Variants in NUDT6 observed in about 807,000 individuals in gnomAD.
NUDT6 encodes the protein FAD diphosphatase NUDT6.
NUDT6 carries 24 observed loss-of-function variants against 36.8 expected under a neutral mutation model. The ratio of observed to expected loss-of-function variants is 0.65; its 90% CI spans 0.47 to 0.92. NUDT6 has a LOEUF of 0.92. Ranked by LOEUF, NUDT6 falls within the 40% of genes least tolerant of loss-of-function variation. NUDT6 has a pLI of 0.00. For synonymous variants in NUDT6, 163 were observed against 157.0 expected (o/e 1.04, Z -0.29); for missense variants, 388 against 392.8 (o/e 0.99, Z 0.10).
At chr4:122,916,505 C>A (rs891208113) in intron 2 of NUDT6, among the ~76,000 whole-genome samples, 15 of 152,068 alleles carry the variant, frequency 9.9e-5, no homozygotes, top group Admixed American at 9.8e-4. Context: ...ATAATTAGTG[C>A]CAACATGTTT....
intron 3 of NUDT6, among the ~76,000 whole-genome samples, chr4:122,903,366 C>G (rs1727561543): frequency 6.6e-6 from 1 of 152,058 alleles, no homozygotes; most frequent in South Asian, 2.1e-4. Context: ...TCTTAAAGGA[C>G]CAATTATTGG....
chr4:122,905,170 C>T (rs530826754), intron 3 of NUDT6, among the ~76,000 whole-genome samples: 7 of 152,222 alleles, frequency 4.6e-5, no homozygotes, highest in South Asian at 2.1e-4. Flanking sequence ...TGCTGATTGG[C>T]GCGTTTAGAA....
At chr4:122,906,072 G>C (rs1578494198) in intron 3 of NUDT6, among the ~76,000 whole-genome samples, 1 of 152,172 alleles carries the variant, frequency 6.6e-6, no homozygotes, top group Non-Finnish European at 1.5e-5. Flanking sequence ...AGGGTCGCAG[G>C]ATCCCCACTC....
At chr4:122,908,629 G>C (rs1420433658) in intron 3 of NUDT6, among the ~76,000 whole-genome samples, 1 of 152,144 alleles carries the variant, frequency 6.6e-6, no homozygotes, top group Non-Finnish European at 1.5e-5. Context: ...GCACACGTTT[G>C]CAGGACCTCT....
At chr4:122,921,675 G>A (rs945593228) in intron 1 of NUDT6, 2 of 150,894 alleles carry the variant, frequency 1.3e-5, no homozygotes, top group African/African-American at 4.9e-5. Context: ...AATGCTTGTG[G>A]TGATGAGTAT....
intron 2 of NUDT6, among the ~76,000 whole-genome samples, chr4:122,915,617 C>T (rs568548328): frequency 3.9e-5 from 6 of 152,194 alleles, no homozygotes; most frequent in African/African-American, 1.4e-4. Context: ...ATTCTTTGAA[C>T]TGCTCTGACA....
intron 2 of NUDT6, among the ~76,000 whole-genome samples, chr4:122,915,486 A>C (rs1340773813): frequency 2.7e-5 from 4 of 146,804 alleles, no homozygotes; most frequent in African/African-American, 4.9e-5. Flanking sequence ...AAAAAAAAAA[A>C]AAAAAAAAAA....
intron 1 of NUDT6, chr4:122,921,595 C>CAAAAAAAAAAAAAAAA: frequency 2.8e-5 from 1 of 35,110 alleles, no homozygotes; most frequent in Non-Finnish European, 5.6e-5. Context: ...TACCCTCTCT[C>CAAAAAAAAAAAAAAAA]AAAAAAAAAA....
intron 3 of NUDT6, among the ~76,000 whole-genome samples, chr4:122,906,661 T>G (rs1426560676): frequency 6.6e-6 from 1 of 152,132 alleles, no homozygotes; most frequent in African/African-American, 2.4e-5. Context: ...CCCCATCTTG[T>G]AAAGAGGCTA....
At chr4:122,915,790 T>C (rs1455828132) in intron 2 of NUDT6, among the ~76,000 whole-genome samples, 1 of 152,188 alleles carries the variant, frequency 6.6e-6, no homozygotes, top group African/African-American at 2.4e-5. Flanking sequence ...TCCATTGAAG[T>C]GTGAGGCTGT....
rs1727238934 is a variant in NUDT6 at position 122,893,139 on chromosome 4, T to C, written c.640A>G (p.Asn214Asp). The C allele has an allele frequency of 6.2e-7, 1 of 1,614,198 alleles. No homozygotes were observed. The highest frequency in any genetic ancestry group is 8.5e-7 in the Non-Finnish European group (1 of 1,180,034). The change falls in exon 5 of 5, where the codon AAT (asparagine) becomes GAT (aspartate). Residue 214 changes from asparagine to aspartate, a missense_variant. Coordinates refer to ENST00000304430, the MANE Select transcript of NUDT6 (RefSeq NM_007083.5). ...TCTGACTTCCCAAAAGCTCCAGGAT[T>C]TGTGTGCTGTTGCCGAATACTCAGG... ...SVLSIRQQHT[N>D]PGAFGKSDMY... is the part of the protein sequence containing the mutation.
chr4:122,922,831 C>T (rs1728131616), upstream of NUDT6: 3 of 569,270 alleles, frequency 5.3e-6, no homozygotes, highest in South Asian at 7.1e-5. Context: ...ATTCAACAGA[C>T]GTTGGTTTAG....
In NUDT6 at chr4:122,912,202, G is replaced by A. The variant is rs115360111; in HGVS notation, c.498+366C>T. Among the ~76,000 whole-genome samples, 498 of 152,104 alleles carry A rather than the reference G, an allele frequency of 3.3e-3. 2 individuals are homozygous for A. The highest frequency in any genetic ancestry group is 0.014 in the Middle Eastern group (4 of 294). ...TAAGCTGCAGGGCATAAGGTATATC[G>A]TCTTACTGCTTTTTATATTCTCAGC... On this transcript the variant is annotated intron_variant, in intron 3 of 4. Transcript: ENST00000304430.
At chr4:122,912,223 T>C (rs1727745569) in intron 3 of NUDT6, among the ~76,000 whole-genome samples, 1 of 152,142 alleles carries the variant, frequency 6.6e-6, no homozygotes, top group South Asian at 2.1e-4. Context: ...TTTTATATTC[T>C]CAGCACCTGG....
At chr4:122,907,611 C>T (rs112726910) in intron 3 of NUDT6, among the ~76,000 whole-genome samples, 9 of 151,972 alleles carry the variant, frequency 5.9e-5, no homozygotes, top group Middle Eastern at 3.4e-3. Flanking sequence ...CCACCACGCC[C>T]GGCTAATTTT....
chr4:122,915,691 ACT>A (rs1256464586), intron 2 of NUDT6, among the ~76,000 whole-genome samples: 4 of 152,004 alleles, frequency 2.6e-5, no homozygotes, highest in Admixed American at 2.0e-4. Flanking sequence ...TTCATAGGAT[ACT>A]CTTTTTGCAT....
At position 122,892,622 on chromosome 4, in the gene NUDT6, T is replaced by C; in HGVS notation, c.*206A>G. 1 of 1,430,574 alleles carries C rather than the reference T, an allele frequency of 7.0e-7. No homozygotes were observed. Among genetic ancestry groups the C allele is most frequent in the South Asian group, 1.6e-5 (1 of 64,146 alleles). 88.6% of individuals were successfully genotyped at this position (1,430,574 alleles called of 1,614,324 possible). The stretch of plus-strand genomic sequence containing the variant: ...TTATATTGCATCTGCTGTTACCCAG[T>C]GAAGCTTACCTAGAGCAATGATCTT... On this transcript the variant is annotated 3_prime_UTR_variant, in exon 5 of 5. Coordinates refer to ENST00000304430, the MANE Select transcript of NUDT6 (RefSeq NM_007083.5).
chr4:122,904,645 G>C (rs1000319587), intron 3 of NUDT6, among the ~76,000 whole-genome samples: 1 of 152,074 alleles, frequency 6.6e-6, no homozygotes, highest in African/African-American at 2.4e-5. Context: ...TTGTAGAGAA[G>C]GGGTTTTATC....
intron 2 of NUDT6, among the ~76,000 whole-genome samples, chr4:122,913,581 C>G (rs989942136): frequency 6.6e-6 from 1 of 152,136 alleles, no homozygotes; most frequent in South Asian, 2.1e-4. Flanking sequence ...CCCTGATGAT[C>G]CAAATCTCAA....
Sources: allele counts gnomAD v4.1 joint callset (sites outside exome capture counted in the v4.1 genomes callset), GRCh38; gene constraint gnomAD v4.1.1; transcripts MANE v1.5; gene names NCBI Gene and HGNC (gene_info 2026-07-23, HGNC 2026-07-21).